The following MAPK4 variants were observed in gnomAD, a reference collection of about 807,000 sequenced individuals.
The protein encoded by MAPK4 is Erk3-related.
A neutral mutation model predicts 47.7 loss-of-function variants in MAPK4; 22 were observed. The ratio of observed to expected loss-of-function variants is 0.46; its 90% CI spans 0.33 to 0.66. MAPK4 has a LOEUF of 0.66. Ranked by LOEUF, MAPK4 falls within the 30% of genes least tolerant of loss-of-function variation. The probability of loss-of-function intolerance (pLI) is 0.02; values close to 1 mark genes in which losing one functional copy is unlikely to be tolerated. For missense variants in MAPK4, 736 were observed against 831.7 expected (o/e 0.88, Z 1.42); for synonymous variants, 390 against 365.7 (o/e 1.07, Z -0.76).
intron 1 of MAPK4, among the ~76,000 whole-genome samples, chr18:50,585,968 CATGGGG>C (rs1359560686): frequency 6.6e-6 from 1 of 152,102 alleles, no homozygotes; most frequent in African/African-American, 2.4e-5. Flanking sequence ...TCCCATGACA[CATGGGG>C]ATTATGGGAG....
chr18:50,568,735 T>A (rs1277442037), intron 1 of MAPK4, among the ~76,000 whole-genome samples: 1 of 152,190 alleles, frequency 6.6e-6, no homozygotes, highest in Non-Finnish European at 1.5e-5. Context: ...CTCCCCTGTG[T>A]TTGCCATCCT....
chr18:50,728,524 A>C (rs1429810337), intron 5 of MAPK4, among the ~76,000 whole-genome samples: 1 of 152,164 alleles, frequency 6.6e-6, no homozygotes, highest in African/African-American at 2.4e-5. Context: ...AAACATGCTT[A>C]ATCAGGTCCC....
chr18:50,653,196 TAA>T (rs113104084), intron 1 of MAPK4, among the ~76,000 whole-genome samples: 1 of 130,598 alleles, frequency 7.7e-6, no homozygotes, highest in Non-Finnish European at 1.7e-5. Context: ...TCTCAAAAAA[TAA>T]AAAAAAAAAA....
chr18:50,711,049 G>A (rs1033543670), intron 2 of MAPK4, among the ~76,000 whole-genome samples: 2 of 152,176 alleles, frequency 1.3e-5, no homozygotes, highest in African/African-American at 4.8e-5. Flanking sequence ...CACCCTTCTG[G>A]AGTGACTTTG....
intron 1 of MAPK4, among the ~76,000 whole-genome samples, chr18:50,564,126 T>C (rs1568027921): frequency 2.6e-5 from 4 of 152,190 alleles, no homozygotes; most frequent in Admixed American, 2.0e-4. Flanking sequence ...CTGTTTATCA[T>C]GGTGCAGTGG....
chr18:50,725,893 C>T, intron 4 of MAPK4, 69 bp from the exon 5 acceptor site: 1 of 1,248,464 alleles, frequency 8.0e-7, no homozygotes, highest in Non-Finnish European at 1.2e-6. Context: ...TGTCACCGTG[C>T]TGAGGAATCT....
At chr18:50,691,962 CT>C (rs1187794268) in intron 2 of MAPK4, among the ~76,000 whole-genome samples, 7 of 152,186 alleles carry the variant, frequency 4.6e-5, no homozygotes, top group Admixed American at 4.6e-4. Context: ...CCCATCCCCC[CT>C]CACACCCACC....
chr18:50,613,988 T>C (rs1336851436), intron 1 of MAPK4, among the ~76,000 whole-genome samples: 4 of 152,246 alleles, frequency 2.6e-5, no homozygotes, highest in Non-Finnish European at 5.9e-5. Context: ...TAATATATTC[T>C]ATTCAACTAT....
At chr18:50,668,286 G>A (rs371886433) in intron 2 of MAPK4, among the ~76,000 whole-genome samples, 1 of 152,310 alleles carries the variant, frequency 6.6e-6, no homozygotes, top group South Asian at 2.1e-4. Flanking sequence ...ACCCAGCAGT[G>A]TGCAGCAGCC....
chr18:50,562,299 G>A (rs1331194530), intron 1 of MAPK4, among the ~76,000 whole-genome samples: 2 of 151,822 alleles, frequency 1.3e-5, no homozygotes, highest in African/African-American at 4.8e-5. Flanking sequence ...ACTCAAATTC[G>A]TTGTTTCACT....
chr18:50,624,983 T>C (rs1032026523), intron 1 of MAPK4, among the ~76,000 whole-genome samples: 1 of 152,212 alleles, frequency 6.6e-6, no homozygotes, highest in Non-Finnish European at 1.5e-5. Flanking sequence ...AGAGAGCCTA[T>C]CTTGTCCCTC....
At position 50,677,191 on chromosome 18, in the gene MAPK4, C is replaced by T. The variant is rs570036160; in HGVS notation, c.546+12687C>T. Among the ~76,000 whole-genome samples the T allele has an allele frequency of 1.8e-4, 27 of 152,324 alleles. No homozygotes were observed. In the South Asian group the frequency reaches 2.5e-3, roughly 14 times the overall value. ...AAAACCATCTCCCAGCTCCTCTTCC[C>T]GGTCCGTGGAAAAATTGTTTTCCAC... On this transcript the variant is annotated intron_variant, in intron 2 of 5. Coordinates refer to ENST00000400384, the MANE Select transcript of MAPK4 (RefSeq NM_002747.4).
intron 1 of MAPK4, among the ~76,000 whole-genome samples, chr18:50,576,209 A>G (rs2042295922): frequency 6.6e-6 from 1 of 152,310 alleles, no homozygotes; most frequent in Admixed American, 6.5e-5. Context: ...TCATCGCAGT[A>G]CTATTCACAA....
At chr18:50,711,566 A>G (rs1399750160) in intron 2 of MAPK4, among the ~76,000 whole-genome samples, 1 of 152,198 alleles carries the variant, frequency 6.6e-6, no homozygotes, top group Non-Finnish European at 1.5e-5. Context: ...GTGCAGACGC[A>G]CCCACTTGTG....
rs200260029 is a variant in MAPK4, at chr18:50,648,534, G to A, written c.-870-14555G>A. On this transcript the variant is annotated intron_variant, in intron 1 of 5. Transcript: ENST00000400384. ...CTGATTGCAGGGGATGCAGGAGGGC[G>A]GCAGAGAGAGCATTGCAGGGTTTAT... Among the ~76,000 whole-genome samples the A allele has an allele frequency of 1.5e-4, 23 of 152,252 alleles. No individual in the cohort carries two copies. In the East Asian group the frequency reaches 2.5e-3, roughly 17 times the overall value.
intron 1 of MAPK4, among the ~76,000 whole-genome samples, chr18:50,583,327 C>T (rs1248597674): frequency 6.6e-6 from 1 of 152,206 alleles, no homozygotes; most frequent in African/African-American, 2.4e-5. Context: ...GTGGCTCACG[C>T]CTGTAATCCT....
At chr18:50,613,875 A>G (rs1402680839) in intron 1 of MAPK4, among the ~76,000 whole-genome samples, 1 of 152,186 alleles carries the variant, frequency 6.6e-6, no homozygotes, top group Non-Finnish European at 1.5e-5. Flanking sequence ...GCCCTAAGAG[A>G]GACCCTAAAT....
intron 1 of MAPK4, chr18:50,560,627 G>A (rs945751561): frequency 9.2e-5 from 14 of 152,702 alleles, no homozygotes; most frequent in African/African-American, 3.4e-4. Flanking sequence ...GTCGCCGAGG[G>A]GCAGTTCACA....
chr18:50,607,780 T>A (rs2042594969), intron 1 of MAPK4, among the ~76,000 whole-genome samples: 1 of 152,242 alleles, frequency 6.6e-6, no homozygotes, highest in South Asian at 2.1e-4. Flanking sequence ...ATTTATATTC[T>A]GGAACTGTCT....
Sources: gnomAD v4.1 joint callset for allele counts (sites outside exome capture counted in the v4.1 genomes callset) on GRCh38, gnomAD v4.1.1 for gene constraint, MANE v1.5 for transcripts, NCBI Gene and HGNC (gene_info 2026-07-23, HGNC 2026-07-21) for gene names.